The following IKZF2 variants were observed in gnomAD, a reference collection of about 807,000 sequenced individuals.
IKZF2 encodes zinc finger protein Helios.
IKZF2 carries 15 observed loss-of-function variants against 49.2 expected under a neutral mutation model. The observed-to-expected ratio is 0.30, with a 90% CI of 0.20 to 0.47. The LOEUF (loss-of-function observed/expected upper bound fraction) is 0.47. Ranked by LOEUF, IKZF2 falls within the 20% of genes least tolerant of loss-of-function variation. The pLI is 1.00. For synonymous variants in IKZF2, 227 were observed against 221.4 expected, an observed-to-expected ratio of 1.03 and a Z score of -0.23; for missense variants, 567 against 664.6, an observed-to-expected ratio of 0.85 and a Z score of 1.61.
At chr2:213,114,211 T>C (rs2059799625) in intron 4 of IKZF2, among the ~76,000 whole-genome samples, 1 of 152,130 alleles carries the variant, frequency 6.6e-6, no homozygotes, top group Non-Finnish European at 1.5e-5. Context: ...TCTTCCTCTA[T>C]AATAAAAAGG....
chr2:213,011,164 G>C (rs902773335), intron 8 of IKZF2, among the ~76,000 whole-genome samples: 2 of 151,016 alleles, frequency 1.3e-5, no homozygotes, highest in Non-Finnish European at 3.0e-5. Flanking sequence ...AGAAAAACAG[G>C]TTGCATGGAC....
At chr2:213,075,673 A>C (rs1222988254) in intron 4 of IKZF2, among the ~76,000 whole-genome samples, 1 of 152,112 alleles carries the variant, frequency 6.6e-6, no homozygotes, top group Non-Finnish European at 1.5e-5. Flanking sequence ...CATTTGATTA[A>C]TTTTTCATTA....
intron 5 of IKZF2, among the ~76,000 whole-genome samples, chr2:213,056,276 T>C (rs2125378652): frequency 6.6e-6 from 1 of 152,292 alleles, no homozygotes; most frequent in African/African-American, 2.4e-5. Context: ...ATCCTACATA[T>C]ATCCTTGCAG....
At chr2:213,140,287 T>C (rs1009683379) in intron 4 of IKZF2, among the ~76,000 whole-genome samples, 1 of 152,006 alleles carries the variant, frequency 6.6e-6, no homozygotes, top group African/African-American at 2.4e-5. Context: ...ATCTATGCTA[T>C]ACTGTCCCAT....
intron 4 of IKZF2, among the ~76,000 whole-genome samples, chr2:213,119,236 T>C (rs987968031): frequency 1.5e-4 from 23 of 152,000 alleles, no homozygotes; most frequent in African/African-American, 5.6e-4. Flanking sequence ...AAAAGAATAG[T>C]AAAAGGGGCC....
Position 213,056,765 on chromosome 2 carries a change from A to C in IKZF2, c.406+68T>G, listed in dbSNP as rs1203882511. On this transcript the variant is annotated intron_variant, in intron 5 of 8. Coordinates refer to ENST00000434687, the MANE Select transcript of IKZF2 (RefSeq NM_001387220.1). ...CACCCCTGAATAAAAAGGAAAGAGA[A>C]TAGATGTCAGGTAATATCAACATCA... 6 of 1,575,164 alleles carry C rather than the reference A, an allele frequency of 3.8e-6. 1 individual carries two copies. The Admixed American group carries it at 1.0e-4, about 26-fold the overall frequency.
Position 213,013,826 on chromosome 2 carries a change from C to G in IKZF2, c.821G>C (p.Gly274Ala). Residue 274 changes from glycine to alanine, a missense_variant, in exon 8 of 9, where the codon GGA becomes GCA. Around this residue, in one of 5 missense-constraint regions of IKZF2, gnomAD observed 310 missense variants for 326.9 expected, o/e 0.95. Transcript: ENST00000434687. ...TTGTGGAGTGGAGCTTTTACGTTTTCCCATATTCCCCGTGAGCTTCTCTAT... is the reference window on the plus strand; with the variant it reads ...TTGTGGAGTGGAGCTTTTACGTTTTGCCATATTCCCCGTGAGCTTCTCTAT... ...AVIEKLTGNM[G>A]KRKSSTPQKF... is the part of the protein sequence containing the mutation. 1 of 1,611,550 alleles carries G rather than the reference C, an allele frequency of 6.2e-7. No individual in the cohort carries two copies. The highest frequency in any genetic ancestry group is 8.5e-7 in the Non-Finnish European group (1 of 1,178,344).
At chr2:213,116,719 A>G (rs1326421743) in intron 4 of IKZF2, among the ~76,000 whole-genome samples, 1 of 152,178 alleles carries the variant, frequency 6.6e-6, no homozygotes, top group Admixed American at 6.6e-5. Flanking sequence ...AGCCTGGGTG[A>G]CAGAGTGAGA....
intron 4 of IKZF2, among the ~76,000 whole-genome samples, chr2:213,069,671 G>C (rs140293070): frequency 7.9e-5 from 12 of 152,208 alleles, no homozygotes; most frequent in Non-Finnish European, 1.5e-4. Context: ...GTTTCTCCAG[G>C]AAGGTCCAAA....
At position 213,001,644 on chromosome 2, in the gene IKZF2, T is replaced by C. The variant is rs1379069898; in HGVS notation, c.*5716A>G. The C allele has an allele frequency of 6.6e-6, 1 of 151,440 alleles. No homozygotes were observed. Among genetic ancestry groups the C allele is most frequent in the Non-Finnish European group, 1.5e-5 (1 of 67,380 alleles). The allele number at this position is 151,440 out of a possible 1,614,324, so 9.4% of individuals were successfully genotyped here. On this transcript the variant is annotated 3_prime_UTR_variant, in exon 9 of 9. Coordinates refer to ENST00000434687, the MANE Select transcript of IKZF2 (RefSeq NM_001387220.1). Reference sequence around the variant, plus strand: ...AAAAAAATTAAGATTAAATTACCAATGAACTAGAAATAAGAGTTGACCTAA... The same window carrying C: ...AAAAAAATTAAGATTAAATTACCAACGAACTAGAAATAAGAGTTGACCTAA...
intron 6 of IKZF2, among the ~76,000 whole-genome samples, chr2:213,036,373 G>A (rs1266541195): frequency 6.6e-6 from 1 of 151,972 alleles, no homozygotes; most frequent in Non-Finnish European, 1.5e-5. Flanking sequence ...TTAACATAAT[G>A]CTTGTCACAA....
chr2:213,113,833 T>A (rs150484743), intron 4 of IKZF2, among the ~76,000 whole-genome samples: 47 of 152,262 alleles, frequency 3.1e-4, no homozygotes, highest in African/African-American at 1.1e-3. Flanking sequence ...AAAGTTGGCA[T>A]CTATTGAGCA....
At chr2:213,070,130 A>C (rs1400613407) in intron 4 of IKZF2, among the ~76,000 whole-genome samples, 1 of 152,108 alleles carries the variant, frequency 6.6e-6, no homozygotes, top group Non-Finnish European at 1.5e-5. Flanking sequence ...ACTTCCTTAA[A>C]CTCAGGAAGC....
At chr2:213,105,723 T>C (rs1437055710) in intron 4 of IKZF2, among the ~76,000 whole-genome samples, 2 of 152,124 alleles carry the variant, frequency 1.3e-5, no homozygotes, top group African/African-American at 2.4e-5. Context: ...TATCAAATGC[T>C]ACAAATCAGA....
At chr2:213,124,621 A>G (rs2060197284) in intron 4 of IKZF2, among the ~76,000 whole-genome samples, 1 of 152,242 alleles carries the variant, frequency 6.6e-6, no homozygotes, top group African/African-American at 2.4e-5. Flanking sequence ...CTCTGCTCTC[A>G]AGAGTATTTC....
chr2:213,082,913 TCA>T (rs1694497908), intron 4 of IKZF2, among the ~76,000 whole-genome samples: 1 of 152,232 alleles, frequency 6.6e-6, no homozygotes, highest in Non-Finnish European at 1.5e-5. Context: ...AAATATAATT[TCA>T]GAGGAGAAAT....
rs769140503 is a variant in IKZF2, at chr2:213,026,842, G to T, written c.575-4712C>A. Among the ~76,000 whole-genome samples the T allele has an allele frequency of 7.2e-5, 11 of 151,966 alleles. No homozygotes were observed. The South Asian group carries it at 1.5e-3, about 20-fold the overall frequency. On this transcript the variant is annotated intron_variant, in intron 6 of 8. Transcript: ENST00000434687. ...ATGAAATGATATTTTTGTTGCTGCT[G>T]TTAGGTAACACTTTCTCCCAGATTC... is the stretch of plus-strand genomic sequence containing the variant.
At chr2:213,134,446 A>G (rs902328185) in intron 4 of IKZF2, among the ~76,000 whole-genome samples, 6 of 152,250 alleles carry the variant, frequency 3.9e-5, no homozygotes, top group African/African-American at 1.4e-4. Context: ...TTACACACAC[A>G]GTATAGTACA....
chr2:213,133,458 C>T (rs796418584), intron 4 of IKZF2, among the ~76,000 whole-genome samples: 3 of 152,106 alleles, frequency 2.0e-5, no homozygotes, highest in South Asian at 2.1e-4. Context: ...TGGCCAGGCA[C>T]GGTGGCTCAC....
Sources: allele counts gnomAD v4.1 joint callset (sites outside exome capture counted in the v4.1 genomes callset), GRCh38; gene constraint gnomAD v4.1.1; regional missense constraint gnomAD v4.1.1; transcripts MANE v1.5; gene names NCBI Gene and HGNC (gene_info 2026-07-23, HGNC 2026-07-21).